Variants in COG2 observed in about 807,000 individuals in gnomAD.
The protein encoded by COG2 is conserved oligomeric Golgi complex subunit 2.
A neutral mutation model predicts 90.6 loss-of-function variants in COG2; 52 were observed. The observed-to-expected ratio is 0.57, with a 90% confidence interval of 0.46 to 0.72. The LOEUF is 0.72. COG2 is among the 30% of genes least tolerant of loss of function. The pLI is 0.00. For missense variants in COG2, 829 were observed against 891.2 expected, an observed-to-expected ratio of 0.93 and a Z score of 0.89; for synonymous variants, 337 against 320.4, an observed-to-expected ratio of 1.05 and a Z score of -0.55.
intron 9 of COG2, chr1:230,678,492 C>A (rs1000334967): frequency 1.0e-6 from 1 of 985,132 alleles, no homozygotes; most frequent in African/African-American, 1.7e-5. Flanking sequence ...AGTGAATACT[C>A]ACATGGTTTG....
At chr1:230,651,823 A>G (rs1031821311) in intron 1 of COG2, among the ~76,000 whole-genome samples, 1 of 152,314 alleles carries the variant, frequency 6.6e-6, no homozygotes, top group African/African-American at 2.4e-5. Context: ...TTCAGGAAAA[A>G]AAAGTTTATC....
intron 8 of COG2, 58 bp downstream of exon 8, chr1:230,671,698 A>G (rs1329947883): frequency 6.6e-7 from 1 of 1,517,140 alleles, no homozygotes; most frequent in African/African-American, 1.4e-5. Flanking sequence ...GCACCTGCTA[A>G]TTGCAGGTGC....
intron 1 of COG2, among the ~76,000 whole-genome samples, chr1:230,658,444 C>T (rs1662113337): frequency 6.6e-6 from 1 of 152,168 alleles, no homozygotes; most frequent in Non-Finnish European, 1.5e-5. Context: ...AGAGGGGCAC[C>T]TGCCAGATGC....
intron 8 of COG2, among the ~76,000 whole-genome samples, chr1:230,673,756 T>C (rs972976135): frequency 2.6e-5 from 4 of 152,156 alleles, no homozygotes; most frequent in Non-Finnish European, 5.9e-5. Context: ...CTGGCCCTCC[T>C]CCACCCCCAC....
At chr1:230,658,342 C>T (rs908486216) in intron 1 of COG2, among the ~76,000 whole-genome samples, 2 of 152,132 alleles carry the variant, frequency 1.3e-5, no homozygotes, top group African/African-American at 4.8e-5. Flanking sequence ...TGTTGGAGGT[C>T]CACTCCAGAC....
At chr1:230,651,255 A>G (rs1661907921) in intron 1 of COG2, among the ~76,000 whole-genome samples, 1 of 152,040 alleles carries the variant, frequency 6.6e-6, no homozygotes, top group South Asian at 2.1e-4. Flanking sequence ...AGTTTTCTAT[A>G]TTTGGGGAAC....
chr1:230,650,283 C>T (rs984210182), intron 1 of COG2, among the ~76,000 whole-genome samples: 3 of 152,134 alleles, frequency 2.0e-5, no homozygotes, highest in Non-Finnish European at 4.4e-5. Flanking sequence ...TTTGAGAAGT[C>T]GCCATACTGT....
rs376490327 is a variant in COG2, at chr1:230,678,901, G to A, written c.1027-12G>A. ...TTCTAATAATGAAAATTTTCCTTTT[G>A]TTTTATTTTAGAAATATACCATAAG... On this transcript the variant is annotated splice_polypyrimidine_tract_variant and intron_variant, in intron 9 of 17. Coordinates refer to ENST00000366669, the MANE Select transcript of COG2 (RefSeq NM_007357.3). 1.6e-5 allele frequency: 26 copies of A among 1,605,580 alleles called. No homozygotes were observed. Among genetic ancestry groups the A allele is most frequent in the Non-Finnish European group, 2.0e-5 (24 of 1,176,026 alleles).
At chr1:230,669,324 CT>C (rs759686159) in intron 6 of COG2, 31 bp from the exon 7 acceptor site, 214 of 1,560,008 alleles carry the variant, frequency 1.4e-4, no homozygotes, top group South Asian at 3.6e-4. Context: ...ACAACTAGAG[CT>C]TTTTTTTTAT....
At chr1:230,669,806 T>C (rs1351333597) in intron 7 of COG2, 1 of 327,714 alleles carries the variant, frequency 3.1e-6, no homozygotes, top group East Asian at 5.3e-5. Context: ...CACGTGCTTT[T>C]AGGTCAATTT....
At chr1:230,655,050 A>C (rs1436881849) in intron 1 of COG2, among the ~76,000 whole-genome samples, 4 of 152,184 alleles carry the variant, frequency 2.6e-5, no homozygotes, top group Non-Finnish European at 5.9e-5. Flanking sequence ...AAACAGAGAC[A>C]ATTTGACTTC....
intron 1 of COG2, among the ~76,000 whole-genome samples, chr1:230,650,330 A>G (rs1661882576): frequency 6.6e-6 from 1 of 152,222 alleles, no homozygotes; most frequent in South Asian, 2.1e-4. Flanking sequence ...ATTCTCACCA[A>G]CAGTGTATAA....
chr1:230,677,748 G>A (rs2102764929), intron 9 of COG2, among the ~76,000 whole-genome samples: 1 of 152,244 alleles, frequency 6.6e-6, no homozygotes, highest in East Asian at 1.9e-4. Context: ...TAGAATTTTA[G>A]GCTAATACTT....
At chr1:230,652,330 C>CT (rs1439790540) in intron 1 of COG2, among the ~76,000 whole-genome samples, 3 of 152,176 alleles carry the variant, frequency 2.0e-5, no homozygotes, top group Admixed American at 2.0e-4. Context: ...AGATTGACTT[C>CT]TTTCACTTAG....
intron 11 of COG2, among the ~76,000 whole-genome samples, chr1:230,684,828 A>G (rs180838728): frequency 5.9e-5 from 9 of 152,298 alleles, no homozygotes; most frequent in South Asian, 4.1e-4. Flanking sequence ...TCTGAATGCT[A>G]TATGTATTTG....
chr1:230,652,519 C>T (rs1003011781), intron 1 of COG2, among the ~76,000 whole-genome samples: 5 of 152,162 alleles, frequency 3.3e-5, no homozygotes, highest in African/African-American at 7.2e-5. Flanking sequence ...TAAACATTCA[C>T]GTGCAGGTTT....
chr1:230,686,900 T>C, intron 12 of COG2, 35 bp from the exon 13 acceptor site: 2 of 1,365,776 alleles, frequency 1.5e-6, no homozygotes, highest in Non-Finnish European at 2.0e-6. Context: ...ATCTTGCTAG[T>C]GTGAAAGTAG....
chr1:230,643,963 G>A (rs978763435), intron 1 of COG2, among the ~76,000 whole-genome samples: 1 of 152,142 alleles, frequency 6.6e-6, no homozygotes, highest in African/African-American at 2.4e-5. Flanking sequence ...ACGGAGATCA[G>A]GGGCCTTGTT....
intron 15 of COG2, 53 bp downstream of exon 15, chr1:230,688,615 A>G (rs1277764997): frequency 6.3e-7 from 1 of 1,597,266 alleles, no homozygotes; most frequent in Non-Finnish European, 8.6e-7. Flanking sequence ...TGTGTTAGGA[A>G]AGCCAAAGAG....
Sources: allele counts gnomAD v4.1 joint callset (sites outside exome capture counted in the v4.1 genomes callset), GRCh38; gene constraint gnomAD v4.1.1; transcripts MANE v1.5; gene names NCBI Gene and HGNC (gene_info 2026-07-23, HGNC 2026-07-21).